SYCE3: variants seen among roughly 807,000 people sequenced by gnomAD.
SYCE3 encodes synaptonemal complex central element protein 3, also known as testis highly expressed gene 2 protein.
Under a neutral mutation model 8.1 loss-of-function variants are expected in SYCE3, and 3 were observed. That is an observed-to-expected ratio of 0.37 (90% confidence interval 0.17 to 0.96). SYCE3 has a LOEUF of 0.96. Ranked by LOEUF, SYCE3 falls within the 40% of genes least tolerant of loss-of-function variation. SYCE3 has a pLI of 0.41. For missense variants in SYCE3, 83 were observed against 110.0 expected (o/e 0.75, Z 1.10); for synonymous variants, 36 against 38.7 (o/e 0.93, Z 0.26).
At chr22:50,554,779 G>T (rs563994189) in intron 2 of SYCE3, among the ~76,000 whole-genome samples, 1 of 151,154 alleles carries the variant, frequency 6.6e-6, no homozygotes, top group African/African-American at 2.4e-5. Context: ...CAGATCACAA[G>T]GTCAGGAGAT....
At chr22:50,558,379 C>T (rs1430360097) in intron 1 of SYCE3, among the ~76,000 whole-genome samples, 1 of 151,346 alleles carries the variant, frequency 6.6e-6, no homozygotes, top group African/African-American at 2.4e-5. Flanking sequence ...TGCAGTGAGC[C>T]GAGATTGTGC....
At chr22:50,551,990 C>T (rs2069814092) in intron 2 of SYCE3, among the ~76,000 whole-genome samples, 1 of 152,192 alleles carries the variant, frequency 6.6e-6, no homozygotes, top group African/African-American at 2.4e-5. Flanking sequence ...CCTCTGACAG[C>T]AACTCGAAGG....
intron 1 of SYCE3, among the ~76,000 whole-genome samples, chr22:50,562,558 G>C (rs2069937436): frequency 2.0e-5 from 1 of 50,546 alleles, no homozygotes; most frequent in African/African-American, 1.0e-4. Flanking sequence ...CGGGATGAGG[G>C]GTGAGGGGTG....
chr22:50,556,327 T>A lies in SYCE3; in HGVS notation c.79A>T (p.Lys27Ter). ...ATTTTCTCCATCTCTTCTAATAGCT[T>A]TTCCAAGTCCTTATTCAGATCTGAC... ...MLSDLNKDLE[K>*]LLEEMEKISV... The change falls in exon 2 of 3, where the codon AAG (lysine) becomes TAG (stop). Residue 27 changes from lysine (K) to a stop codon, truncating the protein, a stop_gained. Transcript: ENST00000406915. LOFTEE classifies it high-confidence loss of function. 1 of 1,552,046 alleles carries A rather than the reference T, an allele frequency of 6.4e-7. No homozygotes were observed. Among genetic ancestry groups the A allele is most frequent in the Non-Finnish European group, 8.7e-7 (1 of 1,147,026 alleles).
At chr22:50,552,461 G>A (rs1446108659) in intron 2 of SYCE3, among the ~76,000 whole-genome samples, 1 of 151,996 alleles carries the variant, frequency 6.6e-6, no homozygotes, top group African/African-American at 2.4e-5. Flanking sequence ...GACCATCCTG[G>A]CCAACATGGC....
At chr22:50,554,851 G>A (rs1223430264) in intron 2 of SYCE3, among the ~76,000 whole-genome samples, 3 of 151,934 alleles carry the variant, frequency 2.0e-5, no homozygotes, top group Non-Finnish European at 4.4e-5. Context: ...GGCCAGGCGC[G>A]GTGGTTTACG....
At chr22:50,559,047 GCT>G (rs975404261) in intron 1 of SYCE3, among the ~76,000 whole-genome samples, 1 of 151,976 alleles carries the variant, frequency 6.6e-6, no homozygotes, top group Non-Finnish European at 1.5e-5. Flanking sequence ...TTCCTTCCCT[GCT>G]CTTTCTTGGC....
At chr22:50,554,892 A>G (rs2069844208) in intron 2 of SYCE3, among the ~76,000 whole-genome samples, 1 of 150,550 alleles carries the variant, frequency 6.6e-6, no homozygotes, top group Non-Finnish European at 1.5e-5. Flanking sequence ...GGAGGCCGAG[A>G]CGGGCGGATC....
chr22:50,559,003 C>T (rs1360365713), intron 1 of SYCE3, among the ~76,000 whole-genome samples: 8 of 152,200 alleles, frequency 5.3e-5, no homozygotes. Context: ...ATGTTTTAAC[C>T]TTGTTCTCTC....
At chr22:50,560,368 T>A (rs2069902662) in intron 1 of SYCE3, among the ~76,000 whole-genome samples, 1 of 151,960 alleles carries the variant, frequency 6.6e-6, no homozygotes, top group East Asian at 1.9e-4. Context: ...GCACCTCCAG[T>A]CCTAGTTACT....
chr22:50,561,767 G>T (rs1040321810), intron 1 of SYCE3, among the ~76,000 whole-genome samples: 1 of 151,692 alleles, frequency 6.6e-6, no homozygotes, highest in Admixed American at 6.6e-5. Flanking sequence ...TGTACGGGAT[G>T]AGAGCAGCAC....
chr22:50,551,171 T>C lies in SYCE3; in HGVS notation c.*74A>G, dbSNP rs1009485981. On this transcript the variant is annotated 3_prime_UTR_variant, in exon 3 of 3. Coordinates refer to ENST00000406915, the MANE Select transcript of SYCE3 (RefSeq NM_001123225.3). ...CAGTGCATACAGCTATTCATGTGGGTGCCAGCTCCATCCCCCAGTGACCTC... is the reference window on the plus strand; with the variant it reads ...CAGTGCATACAGCTATTCATGTGGGCGCCAGCTCCATCCCCCAGTGACCTC... 84 of 1,516,254 alleles carry C rather than the reference T, an allele frequency of 5.5e-5. No homozygotes were observed. Among genetic ancestry groups the C allele is most frequent in the Non-Finnish European group, 7.4e-5 (83 of 1,122,336 alleles). The allele number at this position is 1,516,254 out of a possible 1,614,324, so 93.9% of individuals were successfully genotyped here.
intron 1 of SYCE3, among the ~76,000 whole-genome samples, chr22:50,559,617 G>T (rs2069894597): frequency 6.6e-6 from 1 of 152,140 alleles, no homozygotes; most frequent in Non-Finnish European, 1.5e-5. Flanking sequence ...GAATGATGAG[G>T]CTTGGACCAG....
intron 2 of SYCE3, among the ~76,000 whole-genome samples, chr22:50,555,734 T>C (rs2069853692): frequency 6.6e-6 from 1 of 151,766 alleles, no homozygotes; most frequent in Non-Finnish European, 1.5e-5. Flanking sequence ...AATCTATCTA[T>C]AACCTGGAAT....
At position 50,551,265 on chromosome 22, in the gene SYCE3, C is replaced by T. The variant is rs962640955; in HGVS notation, c.247G>A (p.Glu83Lys). Reference protein sequence around the residue: ...MEKNWQELLHETKQRL With the variant: ...MEKNWQELLHKTKQRL Reference sequence around the variant, plus strand: ...GGGGCCTACAGCCTTTGCTTGGTCTCATGCAGCAGCTCTTGCCAGTTCTTC... The same window carrying T: ...GGGGCCTACAGCCTTTGCTTGGTCTTATGCAGCAGCTCTTGCCAGTTCTTC... The change falls in exon 3 of 3, where the codon GAG (glutamate) becomes AAG (lysine). Residue 83 changes from glutamate to lysine, a missense_variant. By Grantham distance (56) the Glu-to-Lys change is moderately conservative (BLOSUM62 1). Coordinates refer to ENST00000406915, the MANE Select transcript of SYCE3 (RefSeq NM_001123225.3). 6.4e-6 allele frequency: 10 copies of T among 1,551,292 alleles called. No homozygotes were observed. Among genetic ancestry groups the T allele is most frequent in the Admixed American group, 3.9e-5 (2 of 50,992 alleles).
chr22:50,556,469 G>C (rs1010029696), intron 1 of SYCE3, 64 bp from the exon 2 acceptor site: 3 of 1,134,548 alleles, frequency 2.6e-6, no homozygotes, highest in Non-Finnish European at 3.8e-6. Context: ...AGCTCCACTG[G>C]TTATAACTCA....
In SYCE3 at chr22:50,552,669, T is replaced by C. The variant is rs77960869; in HGVS notation, c.110-1267A>G. ...CTCATGGCTTACTGTGAGAATTAAA[T>C]GGGTGATATATGTAAACTGCCTGGC... On this transcript the variant is annotated intron_variant, in intron 2 of 2. Coordinates refer to ENST00000406915, the MANE Select transcript of SYCE3 (RefSeq NM_001123225.3). 1.2e-3 allele frequency among the ~76,000 whole-genome samples: 178 copies of C among 152,262 alleles called. 4 individuals carry two copies. The South Asian group carries it at 0.029, about 25-fold the overall frequency.
chr22:50,552,004 C>A (rs1049634003), intron 2 of SYCE3, among the ~76,000 whole-genome samples: 14 of 152,322 alleles, frequency 9.2e-5, no homozygotes, highest in African/African-American at 3.4e-4. Context: ...TCGAAGGTAG[C>A]ATTCCCTGGG....
intron 2 of SYCE3, among the ~76,000 whole-genome samples, chr22:50,552,271 C>T (rs1469477999): frequency 1.3e-5 from 2 of 152,200 alleles, no homozygotes; most frequent in African/African-American, 2.4e-5. Context: ...ACCTGGACAG[C>T]AGGTGCAGCA....
Sources: gnomAD v4.1 joint callset for allele counts (sites outside exome capture counted in the v4.1 genomes callset) on GRCh38, gnomAD v4.1.1 for gene constraint, MANE v1.5 for transcripts, NCBI Gene and HGNC (gene_info 2026-07-23, HGNC 2026-07-21) for gene names.